Variants in LEMD3 observed in about 807,000 individuals in gnomAD.
The protein encoded by LEMD3 is LEM domain containing 3.
A neutral mutation model predicts 95.2 loss-of-function variants in LEMD3; 33 were observed. That is an observed-to-expected ratio of 0.35 (90% confidence interval 0.26 to 0.46). LEMD3 has a LOEUF of 0.46. LEMD3 is among the 20% of genes least tolerant of loss of function. LEMD3 has a pLI of 1.00. For missense variants in LEMD3, 1,210 were observed against 1,192.8 expected (o/e 1.01, Z -0.21); for synonymous variants, 525 against 474.6 (o/e 1.11, Z -1.38).
intron 4 of LEMD3, among the ~76,000 whole-genome samples, chr12:65,228,783 C>T (rs1340157307): frequency 2.0e-5 from 3 of 152,158 alleles, no homozygotes; most frequent in African/African-American, 7.2e-5. Flanking sequence ...TGTAATGATA[C>T]AGTCAGGATA....
chr12:65,217,669 A>G (rs1437242041), intron 3 of LEMD3, among the ~76,000 whole-genome samples: 1 of 152,248 alleles, frequency 6.6e-6, no homozygotes, highest in Non-Finnish European at 1.5e-5. Context: ...AGTCTAAAGA[A>G]AAAGCCCTGA....
chr12:65,246,295 T>C lies in LEMD3; in HGVS notation c.2706T>C (p.Thr902=). 6.2e-7 allele frequency: 1 copy of C among 1,613,644 alleles called. No homozygotes were observed. Among genetic ancestry groups the C allele is most frequent in the Non-Finnish European group, 8.5e-7 (1 of 1,179,688 alleles). ...MNSMSHLRLR[T]GLTNSQGSS The stretch of plus-strand genomic sequence containing the variant: ...CCATGTCTCATCTTCGTCTTCGGAC[T>C]GGCCTAACCAATTCTCAAGGAAGTT... Residue 902 remains threonine, a synonymous_variant, in exon 13 of 13, where the codon ACT becomes ACC. Coordinates refer to ENST00000308330, the MANE Select transcript of LEMD3 (RefSeq NM_014319.5).
In LEMD3 at chr12:65,246,306, A is replaced by G. The variant is rs759470441; in HGVS notation, c.2717A>G (p.Asn906Ser). ...CTTCGTCTTCGGACTGGCCTAACCA[A>G]TTCTCAAGGAAGTTCCTGAAAAGAT... ...SHLRLRTGLT[N>S]SQGSS The change falls in exon 13 of 13, where the codon AAT (asparagine) becomes AGT (serine). Residue 906 changes from asparagine to serine, a missense_variant. By Grantham distance (46) the Asn-to-Ser change is conservative. Coordinates refer to ENST00000308330, the MANE Select transcript of LEMD3 (RefSeq NM_014319.5). 1 of 1,613,200 alleles carries G rather than the reference A, an allele frequency of 6.2e-7. No homozygotes were observed. The highest frequency in any genetic ancestry group is 8.5e-7 in the Non-Finnish European group (1 of 1,179,396).
intron 1 of LEMD3, among the ~76,000 whole-genome samples, chr12:65,184,724 TA>T (rs1869006443): frequency 6.6e-6 from 1 of 152,144 alleles, no homozygotes; most frequent in Non-Finnish European, 1.5e-5. Context: ...CATTTAGTTT[TA>T]AGAGTTTTAT....
intron 4 of LEMD3, among the ~76,000 whole-genome samples, chr12:65,233,390 T>C (rs1423768145): frequency 1.3e-5 from 2 of 152,190 alleles, no homozygotes; most frequent in Non-Finnish European, 1.5e-5. Flanking sequence ...TTTAAGGTTG[T>C]ACATATAGCT....
intron 1 of LEMD3, among the ~76,000 whole-genome samples, chr12:65,191,581 T>G (rs940212830): frequency 6.6e-6 from 1 of 152,096 alleles, no homozygotes; most frequent in African/African-American, 2.4e-5. Flanking sequence ...GAGAACAGAT[T>G]CTTTTGAGAT....
Position 65,244,282 on chromosome 12 carries a change from CA to C in LEMD3, c.2387+814del, listed in dbSNP as rs1190266042. On this transcript the variant is annotated intron_variant, in intron 10 of 12. Coordinates refer to ENST00000308330, the MANE Select transcript of LEMD3 (RefSeq NM_014319.5). ...GTGGGCACGCGCACACACACACACACACACCCCCCCCACACACACAGAGACA... is the reference window on the plus strand; with the variant it reads ...GTGGGCACGCGCACACACACACACACCACCCCCCCCACACACACAGAGACA... Among the ~76,000 whole-genome samples the C allele has an allele frequency of 6.0e-3, 824 of 137,602 alleles. 8 individuals are homozygous for C. The highest frequency in any genetic ancestry group is 0.017 in the African/African-American group (572 of 33,946). 90.3% of individuals were successfully genotyped at this position (137,602 alleles called of 152,430 possible).
chr12:65,231,754 AG>A (rs1245828457), intron 4 of LEMD3, among the ~76,000 whole-genome samples: 1 of 152,090 alleles, frequency 6.6e-6, no homozygotes, highest in African/African-American at 2.4e-5. Context: ...TCACTACCTA[AG>A]GATAACAACT....
intron 8 of LEMD3, chr12:65,240,527 A>T (rs1592463324): frequency 2.3e-6 from 1 of 435,500 alleles, no homozygotes; most frequent in East Asian, 4.3e-5. Flanking sequence ...TGATAAAGAA[A>T]TAGATGACAG....
At chr12:65,176,621 A>C (rs1041287094) in intron 1 of LEMD3, among the ~76,000 whole-genome samples, 2 of 152,210 alleles carry the variant, frequency 1.3e-5, no homozygotes, top group East Asian at 3.8e-4. Flanking sequence ...ATAGGAGTAG[A>C]ATACAGTGTT....
intron 3 of LEMD3, among the ~76,000 whole-genome samples, chr12:65,218,161 C>G (rs1358388641): frequency 2.0e-5 from 3 of 152,038 alleles, no homozygotes; most frequent in Admixed American, 2.0e-4. Context: ...GAATTTTTTC[C>G]CTTTTAGGAA....
intron 1 of LEMD3, among the ~76,000 whole-genome samples, chr12:65,193,107 C>T (rs547576821): frequency 7.4e-4 from 113 of 152,180 alleles, no homozygotes; most frequent in African/African-American, 2.6e-3. Flanking sequence ...ATGTTACTGT[C>T]GGCGAATTCA....
At chr12:65,174,649 T>C (rs898790179) in intron 1 of LEMD3, among the ~76,000 whole-genome samples, 2 of 152,122 alleles carry the variant, frequency 1.3e-5, no homozygotes, top group African/African-American at 4.8e-5. Flanking sequence ...CATCTCTGTG[T>C]GTGTGTGTGT....
At chr12:65,240,547 G>T in intron 8 of LEMD3, 1 of 412,472 alleles carries the variant, frequency 2.4e-6, no homozygotes, top group Non-Finnish European at 4.3e-6. Flanking sequence ...GCCAGTGGCT[G>T]GTGTTTTACT....
Position 65,171,045 on chromosome 12 carries a change from A to G in LEMD3, c.1449A>G (p.Leu483=), listed in dbSNP as rs747141497. 9.0e-5 allele frequency: 146 copies of G among 1,614,000 alleles called. No individual in the cohort carries two copies. The South Asian group carries it at 1.6e-3, about 17-fold the overall frequency. ...TGTTTCTCTTAACTGCTGCCTGCTTATTTTTCCTAATACTGGGACTGACTT... is the reference window on the plus strand; with the variant it reads ...TGTTTCTCTTAACTGCTGCCTGCTTGTTTTTCCTAATACTGGGACTGACTT... The part of the protein sequence containing the change: ...LSMFLLTAAC[L]FFLILGLTYL... Residue 483 remains leucine, a synonymous_variant, in exon 1 of 13, where the codon TTA becomes TTG. Coordinates refer to ENST00000308330, the MANE Select transcript of LEMD3 (RefSeq NM_014319.5).
chr12:65,189,388 T>C (rs1260652792), intron 1 of LEMD3, among the ~76,000 whole-genome samples: 2 of 152,168 alleles, frequency 1.3e-5, no homozygotes, highest in East Asian at 3.9e-4. Context: ...CGGAGGGCAG[T>C]TGGTCAAGGT....
In LEMD3 at chr12:65,169,602, G is replaced by GGCGGCAGCAGCTTCGGCGCC; in HGVS notation, c.7_26dup (p.Gln10ArgfsTer29). On this transcript the variant is annotated frameshift_variant, in exon 1 of 13. Transcript: ENST00000308330. LOFTEE classifies it high-confidence loss of function. ...TAAAACACCCTGGAGAGAAAATGGC[G>GGCGGCAGCAGCTTCGGCGCC]GCGGCAGCAGCTTCGGCGCCTCAGC... The GGCGGCAGCAGCTTCGGCGCC allele has an allele frequency of 6.3e-7, 1 of 1,587,858 alleles. No individual in the cohort carries two copies. Among genetic ancestry groups the GGCGGCAGCAGCTTCGGCGCC allele is most frequent in the Non-Finnish European group, 8.6e-7 (1 of 1,169,254 alleles).
In LEMD3 at chr12:65,169,821, G is replaced by A; in HGVS notation, c.225G>A (p.Thr75=). ...NSNNNNTAAA[T]VAAAGPAAAA... ...ATAACAATAACACGGCAGCCGCCAC[G>A]GTCGCAGCCGCGGGACCAGCGGCGG... The change falls in exon 1 of 13, where the codon ACG becomes ACA. Residue 75 remains threonine (T), a synonymous_variant. Transcript: ENST00000308330. 1.3e-6 allele frequency: 2 copies of A among 1,487,096 alleles called. No individual in the cohort carries two copies. The highest frequency in any genetic ancestry group is 1.4e-5 in the African/African-American group (1 of 70,252). The allele number at this position is 1,487,096 out of a possible 1,614,324, so 92.1% of individuals were successfully genotyped here.
intron 1 of LEMD3, among the ~76,000 whole-genome samples, chr12:65,201,814 G>A (rs1033730734): frequency 6.6e-6 from 1 of 152,076 alleles, no homozygotes; most frequent in African/African-American, 2.4e-5. Context: ...TGATGTTGCA[G>A]TGCAGTGGTG....
Sources: gnomAD v4.1 joint callset for allele counts (sites outside exome capture counted in the v4.1 genomes callset) on GRCh38, gnomAD v4.1.1 for gene constraint, MANE v1.5 for transcripts, NCBI Gene and HGNC (gene_info 2026-07-23, HGNC 2026-07-21) for gene names.